Variants in AMELX observed in about 807,000 individuals in gnomAD.
AMELX encodes the protein amelogenin, X isoform.
In AMELX, 9 loss-of-function variants were observed where a neutral mutation model predicts 15.8. The ratio of observed to expected loss-of-function variants is 0.57; its 90% CI spans 0.34 to 0.99. The LOEUF (loss-of-function observed/expected upper bound fraction) is 0.99, where lower values mean the gene tolerates loss of function less well. Ranked by LOEUF, AMELX falls within the 50% of genes least tolerant of loss-of-function variation. The probability of loss-of-function intolerance (pLI) is 0.02; values close to 1 mark genes in which losing one functional copy is unlikely to be tolerated. For synonymous variants in AMELX, 61 were observed against 58.8 expected, an observed-to-expected ratio of 1.04 and a Z score of -0.17; for missense variants, 107 against 156.2, an observed-to-expected ratio of 0.68 and a Z score of 1.68.
In AMELX at chrX:11,298,626, C is replaced by A; in HGVS notation, c.223C>A (p.Pro75Thr). The change falls in exon 5 of 6, where the codon CCG becomes ACG. Residue 75 changes from proline to threonine, a missense_variant. Pro to Thr is a conservative substitution (Grantham distance 38). Coordinates refer to ENST00000380714, the MANE Select transcript of AMELX (RefSeq NM_001142.2). ...IIPVLSQQHP[P>T]THTLQPHHHI... The stretch of plus-strand genomic sequence containing the variant: ...CCCCGTGCTGTCCCAACAGCACCCC[C>A]CGACTCACACCCTGCAGCCTCATCA... 1 of 1,211,104 alleles carries A rather than the reference C, an allele frequency of 8.3e-7. No individual in the cohort carries two copies. The highest frequency in any genetic ancestry group is 1.1e-6 in the Non-Finnish European group (1 of 895,356).
chrX:11,300,665 A>T lies in AMELX; in HGVS notation c.*53A>T. The T allele has an allele frequency of 9.0e-7, 1 of 1,108,712 alleles. No individual in the cohort carries two copies. Among genetic ancestry groups the T allele is most frequent in the Admixed American group, 2.2e-5 (1 of 44,628 alleles). 91.4% of individuals were successfully genotyped at this position (1,108,712 alleles called of 1,213,427 possible). ...TACTTCAGATGCTTTCAGGAGTGAC[A>T]CAAGAACACAATGATTTTTGCTTAT... On this transcript the variant is annotated 3_prime_UTR_variant, in exon 6 of 6. Coordinates refer to ENST00000380714, the MANE Select transcript of AMELX (RefSeq NM_001142.2).
At chrX:11,294,394 C>T (rs1032935328) in intron 1 of AMELX, among the ~76,000 whole-genome samples, 7 of 112,335 alleles carry the variant, frequency 6.2e-5, no homozygotes, top group Non-Finnish European at 1.1e-4. Flanking sequence ...AAATACTGTG[C>T]ACTTTGATGA....
At chrX:11,294,242 G>GTAGA (rs34506169) in intron 1 of AMELX, among the ~76,000 whole-genome samples, 3,394 of 112,143 alleles carry the variant, frequency 0.03, 51 homozygotes, top group Middle Eastern at 0.073. Flanking sequence ...CTGAAGTTCT[G>GTAGA]TAGATAGGAA....
chrX:11,300,792 T>G (rs1337736069), downstream of AMELX: 1 of 461,293 alleles, frequency 2.2e-6, no homozygotes, highest in East Asian at 3.6e-5. Context: ...GAAACTTAAA[T>G]TTTCCTATCA....
intron 2 of AMELX, 109 bp downstream of exon 2, chrX:11,294,951 G>A (rs1034070836): frequency 1.3e-5 from 11 of 830,329 alleles, no homozygotes; most frequent in Non-Finnish European, 2.0e-5. Context: ...GAGATCAGAT[G>A]TCTTCATATG....
downstream of AMELX, among the ~76,000 whole-genome samples, chrX:11,302,218 C>T (rs1209860622): frequency 8.9e-6 from 1 of 112,461 alleles, no homozygotes; most frequent in Non-Finnish European, 1.9e-5. Context: ...CCATTCTGGA[C>T]AACACAGATA....
the AMELX span, among the ~76,000 whole-genome samples, chrX:11,308,916 G>A: frequency 3.6e-5 from 4 of 111,756 alleles, no homozygotes; most frequent in African/African-American, 6.5e-5. Flanking sequence ...AAATATACAC[G>A]TCTTGGCAAT....
At chrX:11,305,310 G>A (rs1388731245), downstream of AMELX, among the ~76,000 whole-genome samples, 1 of 111,895 alleles carries the variant, frequency 8.9e-6, no homozygotes, top group Non-Finnish European at 1.9e-5. Context: ...TAAAAGCCCA[G>A]ATTTCACCAC....
downstream of AMELX, among the ~76,000 whole-genome samples, chrX:11,305,082 G>A (rs1004731461): frequency 9.0e-6 from 1 of 110,849 alleles, no homozygotes; most frequent in Non-Finnish European, 1.9e-5. Flanking sequence ...CACTGCACCC[G>A]GCCTTTACCA....
At position 11,298,243 on chromosome X, in the gene AMELX, C is replaced by T. The variant is rs104894733; in HGVS notation, c.110C>T (p.Thr37Ile). The T allele has an allele frequency of 8.3e-7, 1 of 1,211,199 alleles. No individual in the cohort carries two copies. Among genetic ancestry groups the T allele is most frequent in the Non-Finnish European group, 1.1e-6 (1 of 895,097 alleles). The change falls in exon 4 of 6, where the codon ACC (threonine) becomes ATC (isoleucine). Residue 37 changes from threonine to isoleucine, a missense_variant. Transcript: ENST00000380714. ...GYINFSYEVL[T>I]PLKWYQSIRP... ...ATATCTTTTTCTCTTAAGGTGCTTA[C>T]CCCTTTGAAGTGGTACCAGAGCATA...
intron 1 of AMELX, 86 bp from the exon 2 acceptor site, chrX:11,294,691 A>C (rs2048051644): frequency 2.1e-6 from 2 of 955,670 alleles, no homozygotes; most frequent in South Asian, 3.9e-5. Flanking sequence ...CAATAGACTA[A>C]TGTAGATTAT....
At chrX:11,297,966 T>C in intron 3 of AMELX, 1 of 636,405 alleles carries the variant, frequency 1.6e-6, no homozygotes, top group Admixed American at 2.4e-5. Context: ...CCCATAACCT[T>C]ATCTAAAAAG....
In AMELX at chrX:11,300,694, C is replaced by T; in HGVS notation, c.*82C>T. On this transcript the variant is annotated 3_prime_UTR_variant, in exon 6 of 6. Coordinates refer to ENST00000380714, the MANE Select transcript of AMELX (RefSeq NM_001142.2). The stretch of plus-strand genomic sequence containing the variant: ...GAACACAATGATTTTTGCTTATAAT[C>T]ACTTTACTTAGCAAATTCTGTAACT... The T allele has an allele frequency of 1.1e-6, 1 of 948,958 alleles. No individual in the cohort carries two copies. Among genetic ancestry groups the T allele is most frequent in the Middle Eastern group, 2.8e-4 (1 of 3,531 alleles). The allele number at this position is 948,958 out of a possible 1,213,427, so 78.2% of individuals were successfully genotyped here.
At chrX:11,297,589 A>G (rs1033759697) in intron 3 of AMELX, among the ~76,000 whole-genome samples, 2 of 112,146 alleles carry the variant, frequency 1.8e-5, no homozygotes, top group Admixed American at 1.9e-4. Context: ...CTAACCAAGT[A>G]TATATACTGT....
chrX:11,308,685 G>A, the AMELX span, among the ~76,000 whole-genome samples: 13 of 111,850 alleles, frequency 1.2e-4, no homozygotes, highest in African/African-American at 3.6e-4. Flanking sequence ...TGGTGATCCT[G>A]GCAATGCCTG....
chrX:11,303,297 G>A (rs1418044383), downstream of AMELX, among the ~76,000 whole-genome samples: 1 of 112,355 alleles, frequency 8.9e-6, no homozygotes, highest in African/African-American at 3.2e-5. Context: ...GCCATAGGCC[G>A]ACATTTAGAT....
chrX:11,298,017 T>C (rs767136874), intron 3 of AMELX: 3 of 942,202 alleles, frequency 3.2e-6, no homozygotes, highest in Admixed American at 2.2e-5. Flanking sequence ...TAAGAAAAGA[T>C]GAAGAATGTG....
chrX:11,297,599 T>C (rs1398050977), intron 3 of AMELX, among the ~76,000 whole-genome samples: 1 of 112,031 alleles, frequency 8.9e-6, no homozygotes, highest in Non-Finnish European at 1.9e-5. Context: ...ATATATACTG[T>C]TCAGAAAGGA....
Sources: allele counts gnomAD v4.1 joint callset (sites outside exome capture counted in the v4.1 genomes callset), GRCh38; gene constraint gnomAD v4.1.1; transcripts MANE v1.5; gene names NCBI Gene and HGNC (gene_info 2026-07-23, HGNC 2026-07-21).